Variants in CCZ1 observed in about 807,000 individuals in gnomAD.
CCZ1 encodes CCZ1 vacuolar protein trafficking and biogenesis associated.
CCZ1 carries 19 observed loss-of-function variants against 57.8 expected under a neutral mutation model. The ratio of observed to expected loss-of-function variants is 0.33; its 90% confidence interval spans 0.23 to 0.48. CCZ1 has a LOEUF of 0.48. CCZ1 is among the 20% of genes least tolerant of loss of function. The probability of loss-of-function intolerance (pLI) is 0.99; values close to 1 mark genes in which losing one functional copy is unlikely to be tolerated. For synonymous variants in CCZ1, 81 were observed against 167.0 expected (o/e 0.49, Z 3.97); for missense variants, 200 against 492.0 (o/e 0.41, Z 5.61).
chr7:5,905,980 C>T (rs1424756867), intron 7 of CCZ1, among the ~76,000 whole-genome samples: 2 of 138,192 alleles, frequency 1.4e-5, no homozygotes, highest in Non-Finnish European at 3.0e-5. Flanking sequence ...TGGCCTCAAG[C>T]GATCCACCCG....
At position 5,901,352 on chromosome 7, in the gene CCZ1, G is replaced by A. The variant is rs1214474078; in HGVS notation, c.391-305G>A. 2 of 251,554 alleles carry A rather than the reference G, an allele frequency of 8.0e-6. 1 individual carries two copies. The highest frequency in any genetic ancestry group is 2.6e-4 in the East Asian group (2 of 7,824). 15.6% of individuals were successfully genotyped at this position (251,554 alleles called of 1,614,324 possible). A position where few individuals can be genotyped will look rare whatever the true frequency, so the allele number is the denominator to read the frequency against. ...CTACAAAAACTGGCCAGGGATGGTG[G>A]CGCACACCTGTCATCCCGGCTTCTC... On this transcript the variant is annotated intron_variant, in intron 4 of 14. Transcript: ENST00000325974.
Position 5,923,459 on chromosome 7 carries a change from CAT to C in CCZ1, c.1180_1181del (p.Met394GlufsTer21), listed in dbSNP as rs1779289664. Reference sequence around the variant, plus strand: ...ATCTCGCCGAGAAGAGCACAGTTCACATGAGGAAAACGCCCAGCGTGTCGCTC... The same window carrying C: ...ATCTCGCCGAGAAGAGCACAGTTCACGAGGAAAACGCCCAGCGTGTCGCTC... ...MNLAEKSTVH[M>X]RKTPSVSLTS... On this transcript the variant is annotated frameshift_variant, in exon 13 of 15. Transcript: ENST00000325974. LOFTEE classifies it high-confidence loss of function. 1 of 382,220 alleles carries C rather than the reference CAT, an allele frequency of 2.6e-6. No homozygotes were observed. The highest frequency in any genetic ancestry group is 3.4e-5 in the East Asian group (1 of 29,100). 23.7% of individuals were successfully genotyped at this position (382,220 alleles called of 1,614,324 possible). A position where few individuals can be genotyped will look rare whatever the true frequency, so the allele number is the denominator to read the frequency against.
intron 12 of CCZ1, among the ~76,000 whole-genome samples, chr7:5,920,976 CAG>C (rs1167482211): frequency 1.3e-5 from 1 of 75,068 alleles, no homozygotes; most frequent in Non-Finnish European, 2.5e-5. Flanking sequence ...TTTTTTAAGA[CAG>C]AGTCTCAGTT....
intron 6 of CCZ1, among the ~76,000 whole-genome samples, chr7:5,903,256 A>G (rs1391257931): frequency 2.8e-5 from 4 of 145,010 alleles, no homozygotes; most frequent in Non-Finnish European, 4.5e-5. Context: ...TGAATTTTGC[A>G]TGTTTCACCC....
rs1781610575 is a variant in CCZ1 at position 5,898,876 on chromosome 7, G to A, written c.77G>A (p.Ser26Asn). Residue 26 changes from serine to asparagine, a missense_variant, in exon 1 of 15, where the codon AGT becomes AAT. Transcript: ENST00000325974. ...QEKQFPPALL[S>N]FFIYNPRFGP... ...AAGCAGTTCCCGCCGGCGCTGCTGA[G>A]TTTCTTCATCTACAACCCGCGCTTC... The A allele has an allele frequency of 1.9e-6, 1 of 525,696 alleles. No individual in the cohort carries two copies. The highest frequency in any genetic ancestry group is 3.0e-6 in the Non-Finnish European group (1 of 329,858). The allele number at this position is 525,696 out of a possible 1,614,324, so 32.6% of individuals were successfully genotyped here. A position where few individuals can be genotyped will look rare whatever the true frequency, so the allele number is the denominator to read the frequency against.
At chr7:5,909,199 C>G (rs1407884793) in intron 7 of CCZ1, among the ~76,000 whole-genome samples, 7 of 147,458 alleles carry the variant, frequency 4.7e-5, no homozygotes, top group Non-Finnish European at 8.9e-5. Context: ...TGCCTGGACT[C>G]AAGTTTAACC....
chr7:5,910,160 C>A, intron 8 of CCZ1, 44 bp downstream of exon 8: 2 of 1,519,338 alleles, frequency 1.3e-6, no homozygotes, highest in Non-Finnish European at 1.8e-6. Flanking sequence ...TGCAGGGGCA[C>A]AGAGAGGGCA....
At chr7:5,912,758 T>C in intron 9 of CCZ1, 85 bp from the exon 10 acceptor site, 3 of 1,162,850 alleles carry the variant, frequency 2.6e-6, no homozygotes, top group Non-Finnish European at 3.9e-6. Flanking sequence ...AACTGGTGTG[T>C]ATGAAGTGGG....
intron 8 of CCZ1, among the ~76,000 whole-genome samples, chr7:5,910,443 C>T (rs376295041): frequency 7.4e-5 from 11 of 148,916 alleles, no homozygotes; most frequent in Non-Finnish European, 1.2e-4. Context: ...CTCCTTGCCT[C>T]GGCCTCCCAA....
At chr7:5,905,900 A>C (rs1248228265) in intron 7 of CCZ1, among the ~76,000 whole-genome samples, 1 of 63,768 alleles carries the variant, frequency 1.6e-5, no homozygotes, top group Non-Finnish European at 2.8e-5. Flanking sequence ...GAATTTTTAT[A>C]CCTTTTTTTT....
Position 5,903,995 on chromosome 7 carries a change from G to GT in CCZ1, c.523-1099_523-1098insT, listed in dbSNP as rs1322064252. 8.1e-5 allele frequency among the ~76,000 whole-genome samples: 5 copies of GT among 61,748 alleles called. 1 individual carries two copies. The East Asian group carries it at 1.5e-3, about 18-fold the overall frequency. The allele number at this position is 61,748 out of a possible 152,430, so 40.5% of individuals were successfully genotyped here. On this transcript the variant is annotated intron_variant, in intron 6 of 14. Coordinates refer to ENST00000325974, the MANE Select transcript of CCZ1 (RefSeq NM_015622.6). The stretch of plus-strand genomic sequence containing the variant: ...GGTGACAGACCAAGACTCCATCTCG[G>GT]GGGGGGAAATAAAGATGGCACTCTC...
At chr7:5,900,111 G>A (rs1781648928) in intron 1 of CCZ1, among the ~76,000 whole-genome samples, 173 bp from the exon 2 acceptor site, 2 of 151,160 alleles carry the variant, frequency 1.3e-5, no homozygotes, top group South Asian at 4.2e-4. Flanking sequence ...TGATCCTCCC[G>A]CCTCAGCCTC....
chr7:5,925,814 A>G lies in CCZ1; in HGVS notation c.*127A>G. On this transcript the variant is annotated 3_prime_UTR_variant, in exon 15 of 15. Coordinates refer to ENST00000325974, the MANE Select transcript of CCZ1 (RefSeq NM_015622.6). ...AAAGCAATACTTGCTTTGAAGAATC[A>G]CATTTCGACTCGGTCTGCTGATCTG... 1.3e-6 allele frequency: 2 copies of G among 1,487,590 alleles called. No homozygotes were observed. The highest frequency in any genetic ancestry group is 1.1e-5 in the South Asian group (1 of 90,144). The allele number at this position is 1,487,590 out of a possible 1,614,324, so 92.1% of individuals were successfully genotyped here. A position where few individuals can be genotyped will look rare whatever the true frequency, so the allele number is the denominator to read the frequency against.
intron 7 of CCZ1, among the ~76,000 whole-genome samples, chr7:5,907,845 C>T (rs1265241609): frequency 1.0e-5 from 1 of 98,402 alleles, no homozygotes. Context: ...ACCTGTCATC[C>T]CAGCACTTTG....
At chr7:5,919,771 A>G in intron 11 of CCZ1, 78 bp from the exon 12 acceptor site, 6 of 1,602,678 alleles carry the variant, frequency 3.7e-6, no homozygotes, top group Non-Finnish European at 4.3e-6. Context: ...AGACCAGTGA[A>G]GTTTTCGTTT....
rs1193360516 is a variant in CCZ1 at position 5,901,232 on chromosome 7, C to T, written c.390+300C>T. 9.1e-5 allele frequency: 18 copies of T among 197,526 alleles called. 1 individual carries two copies. Among genetic ancestry groups the T allele is most frequent in the East Asian group, 4.4e-4 (3 of 6,844 alleles). The allele number at this position is 197,526 out of a possible 1,614,324, so 12.2% of individuals were successfully genotyped here. A position where few individuals can be genotyped will look rare whatever the true frequency, so the allele number is the denominator to read the frequency against. On this transcript the variant is annotated intron_variant, in intron 4 of 14. Transcript: ENST00000325974. ...GGGAACAGTGGCTCACACCTGTAAT[C>T]CTAGTACTTTGGGAGGTCAAGGCAG...
chr7:5,907,571 C>G (rs1161157996), intron 7 of CCZ1, among the ~76,000 whole-genome samples: 1 of 146,480 alleles, frequency 6.8e-6, no homozygotes, highest in Non-Finnish European at 1.5e-5. Context: ...CTTCCAGGAG[C>G]TCATTCTGGG....
Position 5,902,266 on chromosome 7 carries a change from C to G in CCZ1, c.439-395C>G, listed in dbSNP as rs547268649. 1.5e-3 allele frequency: 316 copies of G among 217,884 alleles called. 1 individual carries two copies. Among genetic ancestry groups the G allele is most frequent in the Non-Finnish European group, 2.5e-3 (285 of 113,882 alleles). 13.5% of individuals were successfully genotyped at this position (217,884 alleles called of 1,614,324 possible). ...TGAACTGTGATTGCACCACTGCACTCTACCCTGGGCAACAGAGCGAGATTC... is the reference window on the plus strand; with the variant it reads ...TGAACTGTGATTGCACCACTGCACTGTACCCTGGGCAACAGAGCGAGATTC... On this transcript the variant is annotated intron_variant, in intron 5 of 14. Transcript: ENST00000325974.
chr7:5,920,427 G>C (rs1317620496), intron 12 of CCZ1, among the ~76,000 whole-genome samples: 131 of 120,210 alleles, frequency 1.1e-3, no homozygotes, highest in African/African-American at 4.0e-3. Context: ...TCACTCCTCC[G>C]GCTCTCTAGA....
Sources: allele counts gnomAD v4.1 joint callset (sites outside exome capture counted in the v4.1 genomes callset), GRCh38; gene constraint gnomAD v4.1.1; transcripts MANE v1.5; gene names NCBI Gene and HGNC (gene_info 2026-07-23, HGNC 2026-07-21).